The following RABGAP1L variants were observed in gnomAD, a reference collection of about 807,000 sequenced individuals.
RABGAP1L encodes the protein RAB GTPase activating protein 1 like.
RABGAP1L carries 63 observed loss-of-function variants against 137.7 expected under a neutral mutation model. That is an observed-to-expected ratio of 0.46 (90% CI 0.37 to 0.56). RABGAP1L has a LOEUF of 0.56. Ranked by LOEUF, RABGAP1L falls within the 20% of genes least tolerant of loss-of-function variation. The pLI is 0.00. For synonymous variants in RABGAP1L, 431 were observed against 433.7 expected, an observed-to-expected ratio of 0.99 and a Z score of 0.08; for missense variants, 1,095 against 1,244.0, an observed-to-expected ratio of 0.88 and a Z score of 1.80.
chr1:174,912,240 G>C (rs1021650367), intron 19 of RABGAP1L, among the ~76,000 whole-genome samples: 7 of 152,122 alleles, frequency 4.6e-5, no homozygotes, highest in Admixed American at 2.6e-4. Context: ...ACTCTTGGCT[G>C]AAGCAATCCT....
At chr1:174,209,738 A>G (rs1167748813) in intron 1 of RABGAP1L, among the ~76,000 whole-genome samples, 2 of 152,264 alleles carry the variant, frequency 1.3e-5, no homozygotes, top group Non-Finnish European at 2.9e-5. Flanking sequence ...CAGCATCAAG[A>G]CCTTGAGCTG....
intron 12 of RABGAP1L, among the ~76,000 whole-genome samples, chr1:174,385,480 G>T (rs1686684279): frequency 6.6e-6 from 1 of 152,198 alleles, no homozygotes; most frequent in Admixed American, 6.5e-5. Flanking sequence ...GGAAATATGA[G>T]TTTGGGAGTC....
intron 1 of RABGAP1L, among the ~76,000 whole-genome samples, chr1:174,180,224 A>T (rs10912740): frequency 0.29 from 44,789 of 152,042 alleles, 7,014 homozygotes; most frequent in African/African-American, 0.37. Context: ...GAGAACTAGT[A>T]GTTCTAGAGC....
At chr1:174,427,145 TG>T (rs1652056545) in intron 13 of RABGAP1L, among the ~76,000 whole-genome samples, 13 of 13,526 alleles carry the variant, frequency 9.6e-4, no homozygotes, top group Admixed American at 1.8e-3. Flanking sequence ...CGCATGTTTA[TG>T]TGTGTGTGTG....
chr1:174,614,611 C>T (rs1042485543), intron 13 of RABGAP1L, among the ~76,000 whole-genome samples: 1 of 152,120 alleles, frequency 6.6e-6, no homozygotes, highest in Non-Finnish European at 1.5e-5. Flanking sequence ...TTTCCTGAAT[C>T]TGAATGTTGG....
At chr1:174,887,596 G>A (rs1558192062) in intron 19 of RABGAP1L, among the ~76,000 whole-genome samples, 1 of 114,312 alleles carries the variant, frequency 8.7e-6, no homozygotes, top group Non-Finnish European at 1.7e-5. Context: ...TTATAGCCCA[G>A]GGATTTGCAA....
At chr1:174,936,175 G>C (rs1456347114) in intron 19 of RABGAP1L, among the ~76,000 whole-genome samples, 1 of 152,074 alleles carries the variant, frequency 6.6e-6, no homozygotes, top group African/African-American at 2.4e-5. Flanking sequence ...CAAGGAAAGA[G>C]CAGCTTCTGC....
chr1:174,733,410 A>C (rs767559372), intron 17 of RABGAP1L, among the ~76,000 whole-genome samples: 8 of 152,132 alleles, frequency 5.3e-5, no homozygotes, highest in Non-Finnish European at 7.4e-5. Flanking sequence ...TACAGATGCT[A>C]TGCTTTTGGT....
chr1:174,213,863 G>A (rs1297358427), intron 1 of RABGAP1L, among the ~76,000 whole-genome samples: 1 of 152,204 alleles, frequency 6.6e-6, no homozygotes, highest in Non-Finnish European at 1.5e-5. Context: ...AGCCATGTAT[G>A]AGAGACCCAT....
At chr1:174,989,533 T>G (rs909781960) in intron 25 of RABGAP1L, among the ~76,000 whole-genome samples, 5 of 152,228 alleles carry the variant, frequency 3.3e-5, no homozygotes, top group Non-Finnish European at 7.3e-5. Context: ...TATGTTTACA[T>G]TTATTTGTGG....
intron 11 of RABGAP1L, among the ~76,000 whole-genome samples, chr1:174,306,603 A>C (rs896758056): frequency 6.6e-6 from 1 of 152,068 alleles, no homozygotes; most frequent in Non-Finnish European, 1.5e-5. Context: ...ATCTCCTGTG[A>C]CTTTAGAATT....
At chr1:174,420,672 G>GTT (rs1340488223) in intron 13 of RABGAP1L, among the ~76,000 whole-genome samples, 2 of 123,756 alleles carry the variant, frequency 1.6e-5, no homozygotes, top group African/African-American at 8.0e-5. Flanking sequence ...GATTCTGGGT[G>GTT]TTTTGTTTTT....
At chr1:174,394,879 T>G (rs1647628166) in intron 13 of RABGAP1L, among the ~76,000 whole-genome samples, 1 of 152,066 alleles carries the variant, frequency 6.6e-6, no homozygotes, top group African/African-American at 2.4e-5. Context: ...TTACTTTTCT[T>G]TCCTCTTTGC....
At chr1:174,462,740 G>A (rs988191284) in intron 13 of RABGAP1L, among the ~76,000 whole-genome samples, 1 of 152,024 alleles carries the variant, frequency 6.6e-6, no homozygotes, top group East Asian at 1.9e-4. Flanking sequence ...ATATTCACAT[G>A]TACCAATGTT....
intron 11 of RABGAP1L, among the ~76,000 whole-genome samples, chr1:174,315,747 G>A (rs529526152): frequency 4.0e-5 from 6 of 151,358 alleles, no homozygotes; most frequent in Non-Finnish European, 5.9e-5. Context: ...GGTTAAATGT[G>A]CTTGGTGTTC....
At chr1:174,710,019 C>T (rs1680359967) in intron 17 of RABGAP1L, among the ~76,000 whole-genome samples, 1 of 152,144 alleles carries the variant, frequency 6.6e-6, no homozygotes, top group Non-Finnish European at 1.5e-5. Flanking sequence ...GTGAAGCATA[C>T]ACAAGTATCA....
At chr1:174,941,064 T>C (rs1323048769) in intron 19 of RABGAP1L, among the ~76,000 whole-genome samples, 2 of 125,598 alleles carry the variant, frequency 1.6e-5, no homozygotes. Flanking sequence ...TAGGCCCACA[T>C]TTTGTAGCTC....
intron 12 of RABGAP1L, among the ~76,000 whole-genome samples, chr1:174,384,360 T>C (rs1008443969): frequency 6.6e-6 from 1 of 152,130 alleles, no homozygotes; most frequent in Non-Finnish European, 1.5e-5. Context: ...CACAAACCTA[T>C]GTGCATTTGT....
chr1:174,610,517 G>A (rs956691955), intron 13 of RABGAP1L, among the ~76,000 whole-genome samples: 4 of 152,126 alleles, frequency 2.6e-5, no homozygotes, highest in South Asian at 2.1e-4. Context: ...ATAAACATAC[G>A]TGTGCACGTG....
Sources: gnomAD v4.1 joint callset for allele counts (sites outside exome capture counted in the v4.1 genomes callset) on GRCh38, gnomAD v4.1.1 for gene constraint, MANE v1.5 for transcripts, NCBI Gene and HGNC (gene_info 2026-07-23, HGNC 2026-07-21) for gene names.